The following EIF2S1 variants were observed in gnomAD, a reference collection of about 807,000 sequenced individuals.
EIF2S1 encodes the protein eukaryotic translation initiation factor 2 subunit alpha.
Under a neutral mutation model 33.5 loss-of-function variants are expected in EIF2S1, and 5 were observed. The observed-to-expected ratio is 0.15, with a 90% CI of 0.08 to 0.31. EIF2S1 has a LOEUF of 0.31. EIF2S1 is among the 10% of genes least tolerant of loss of function. The pLI, the probability that EIF2S1 is intolerant of heterozygous loss-of-function variation, is 1.00. For synonymous variants in EIF2S1, 99 were observed against 127.5 expected, an observed-to-expected ratio of 0.78 and a Z score of 1.51; for missense variants, 191 against 384.6, an observed-to-expected ratio of 0.50 and a Z score of 4.21.
At chr14:67,368,897 C>T (rs1294375334) in intron 2 of EIF2S1, among the ~76,000 whole-genome samples, 1 of 151,566 alleles carries the variant, frequency 6.6e-6, no homozygotes, top group East Asian at 1.9e-4. Context: ...ATTGTAAAAG[C>T]CAAAGATATA....
intron 1 of EIF2S1, among the ~76,000 whole-genome samples, chr14:67,361,558 A>G (rs926633745): frequency 1.3e-5 from 2 of 152,266 alleles, no homozygotes; most frequent in African/African-American, 4.8e-5. Flanking sequence ...TCCCCATCAC[A>G]TAATATATTT....
At position 67,365,695 on chromosome 14, in the gene EIF2S1, A is replaced by G. The variant is rs112229499; in HGVS notation, c.241+687A>G. Among the ~76,000 whole-genome samples the G allele has an allele frequency of 1.6e-3, 236 of 152,236 alleles. 1 individual carries two copies. The highest frequency in any genetic ancestry group is 5.5e-3 in the African/African-American group (229 of 41,546). On this transcript the variant is annotated intron_variant, in intron 2 of 7. Transcript: ENST00000256383. Reference sequence around the variant, plus strand: ...AGGTTTTAGTTTCAGCCATCTTACTATAATTTGTTAGGTGTTAGTTTTAGG... The same window carrying G: ...AGGTTTTAGTTTCAGCCATCTTACTGTAATTTGTTAGGTGTTAGTTTTAGG...
In EIF2S1 at chr14:67,385,966, A is replaced by G. The variant is rs1424352778; in HGVS notation, c.*2526A>G. ...AATGGCTAGAGATTTTTTTAAAAAT[A>G]CAAATGCCAGTACCTTGCCGAGACT... On this transcript the variant is annotated 3_prime_UTR_variant, in exon 8 of 8. Coordinates refer to ENST00000256383, the MANE Select transcript of EIF2S1 (RefSeq NM_004094.5). 2.0e-5 allele frequency: 3 copies of G among 152,202 alleles called. No individual in the cohort carries two copies. The highest frequency in any genetic ancestry group is 1.3e-4 in the Admixed American group (2 of 15,276). 9.4% of individuals were successfully genotyped at this position (152,202 alleles called of 1,614,324 possible).
At chr14:67,369,852 G>C (rs2085807437) in intron 2 of EIF2S1, among the ~76,000 whole-genome samples, 1 of 152,180 alleles carries the variant, frequency 6.6e-6, no homozygotes, top group African/African-American at 2.4e-5. Context: ...GCTGAGACCA[G>C]CTCTGTTGGG....
chr14:67,383,193 C>A lies in EIF2S1; in HGVS notation c.823-122C>A, dbSNP rs1595651461. ...TGCTGATAAGTCACTCAAAAGTGAACAGATATGACAGAGTTGTTAGAAAAG... is the reference window on the plus strand; with the variant it reads ...TGCTGATAAGTCACTCAAAAGTGAAAAGATATGACAGAGTTGTTAGAAAAG... On this transcript the variant is annotated intron_variant, in intron 7 of 7. Transcript: ENST00000256383. The A allele has an allele frequency of 1.8e-5, 19 of 1,081,308 alleles. No individual in the cohort carries two copies. The East Asian group carries it at 5.0e-4, about 29-fold the overall frequency. 67.0% of individuals were successfully genotyped at this position (1,081,308 alleles called of 1,614,324 possible).
intron 2 of EIF2S1, among the ~76,000 whole-genome samples, chr14:67,369,127 C>T (rs1359883939): frequency 3.3e-5 from 5 of 152,034 alleles, no homozygotes; most frequent in Non-Finnish European, 7.4e-5. Context: ...AAGCAAGACT[C>T]GACGATAATC....
At chr14:67,375,232 CTGTGTGTG>C (rs3067321) in intron 3 of EIF2S1, among the ~76,000 whole-genome samples, 20,632 of 137,528 alleles carry the variant, frequency 0.15, 1,529 homozygotes, top group Non-Finnish European at 0.18. Context: ...ATCCTCAGTT[CTGTGTGTG>C]TGTGTGTGTG....
intron 2 of EIF2S1, among the ~76,000 whole-genome samples, chr14:67,372,775 C>T (rs768430992): frequency 8.6e-5 from 13 of 151,224 alleles, no homozygotes; most frequent in Non-Finnish European, 1.5e-4. Context: ...TTGCAGTGAG[C>T]GGAGATTGCC....
At chr14:67,368,228 A>G (rs1319409991) in intron 2 of EIF2S1, among the ~76,000 whole-genome samples, 1 of 152,176 alleles carries the variant, frequency 6.6e-6, no homozygotes, top group East Asian at 1.9e-4. Flanking sequence ...GCAGTTGGCT[A>G]GTTTGAATGC....
In EIF2S1 at chr14:67,364,828, A is replaced by C. The variant is rs1375937506; in HGVS notation, c.61A>C (p.Met21Leu). The change falls in exon 2 of 8, where the codon ATG (methionine) becomes CTG (leucine). Residue 21 changes from methionine to leucine, a missense_variant. Physicochemically the swap from Met to Leu is conservative, Grantham distance 15. Coordinates refer to ENST00000256383, the MANE Select transcript of EIF2S1 (RefSeq NM_004094.5). ...HKFPEVEDVV[M>L]VNVRSIAEMG... ...ATTTCCTGAGGTGGAAGATGTAGTG[A>C]TGGTGAATGTCAGATCCATTGCTGA... The C allele has an allele frequency of 6.2e-7, 1 of 1,614,018 alleles. No homozygotes were observed. The highest frequency in any genetic ancestry group is 8.5e-7 in the Non-Finnish European group (1 of 1,179,946).
At position 67,385,043 on chromosome 14, in the gene EIF2S1, C is replaced by T. The variant is rs560559251; in HGVS notation, c.*1603C>T. On this transcript the variant is annotated 3_prime_UTR_variant, in exon 8 of 8. Transcript: ENST00000256383. ...GCCATAACTTGAAAAATACTGGTGG[C>T]GTCGATGGTGAGTGATTTTTATCCC... is the stretch of plus-strand genomic sequence containing the variant. 56 of 152,216 alleles carry T rather than the reference C, an allele frequency of 3.7e-4. No individual in the cohort carries two copies. Among genetic ancestry groups the T allele is most frequent in the African/African-American group, 1.3e-3 (52 of 41,536 alleles). 9.4% of individuals were successfully genotyped at this position (152,216 alleles called of 1,614,324 possible). A position where few individuals can be genotyped will look rare whatever the true frequency, so the allele number is the denominator to read the frequency against.
chr14:67,370,119 C>A (rs1237165041), intron 2 of EIF2S1, among the ~76,000 whole-genome samples: 1 of 152,270 alleles, frequency 6.6e-6, no homozygotes, highest in Non-Finnish European at 1.5e-5. Flanking sequence ...AGACACAGAT[C>A]ACTCATGCTT....
chr14:67,368,857 GAAAT>G (rs2085799180), intron 2 of EIF2S1, among the ~76,000 whole-genome samples: 1 of 151,796 alleles, frequency 6.6e-6, no homozygotes, highest in African/African-American at 2.4e-5. Context: ...ACTATCTCTA[GAAAT>G]AAGTAAGTAA....
chr14:67,378,646 C>T (rs545345356), intron 4 of EIF2S1, among the ~76,000 whole-genome samples: 43 of 152,314 alleles, frequency 2.8e-4, no homozygotes, highest in Non-Finnish European at 3.7e-4. Context: ...CATCTGGCTT[C>T]TTTAGTTACC....
At chr14:67,370,574 C>T (rs1182572772) in intron 2 of EIF2S1, among the ~76,000 whole-genome samples, 1 of 152,138 alleles carries the variant, frequency 6.6e-6, no homozygotes, top group Non-Finnish European at 1.5e-5. Context: ...AAGGGAATAT[C>T]ATTACCAATT....
In EIF2S1 at chr14:67,385,767, C is replaced by T. The variant is rs143108366; in HGVS notation, c.*2327C>T. 2.5e-4 allele frequency: 38 copies of T among 151,420 alleles called. No individual in the cohort carries two copies. The highest frequency in any genetic ancestry group is 9.2e-4 in the African/African-American group (38 of 41,170). 9.4% of individuals were successfully genotyped at this position (151,420 alleles called of 1,614,324 possible). A position where few individuals can be genotyped will look rare whatever the true frequency, so the allele number is the denominator to read the frequency against. On this transcript the variant is annotated 3_prime_UTR_variant, in exon 8 of 8. Coordinates refer to ENST00000256383, the MANE Select transcript of EIF2S1 (RefSeq NM_004094.5). ...CTGCCTCTGTAAGAGTGTGAGCCAC[C>T]ATGCCCCACCCAAACCATTTTTCAT... is the stretch of plus-strand genomic sequence containing the variant.
rs530792549 is a variant in EIF2S1, at chr14:67,376,459, T to C, written c.342T>C (p.His114=). ...KSKTVYSILR[H]VAEVLEYTKD... is the part of the protein sequence containing the mutation. ...TCTAGGTTTATAGCATTCTTCGTCA[T>C]GTTGCTGAGGTGTTAGAATACACCA... The change falls in exon 4 of 8, where the codon CAT becomes CAC. Residue 114 remains histidine, a synonymous_variant. Coordinates refer to ENST00000256383, the MANE Select transcript of EIF2S1 (RefSeq NM_004094.5). The C allele has an allele frequency of 6.2e-6, 10 of 1,610,772 alleles. No homozygotes were observed. The African/African-American group carries it at 6.7e-5, about 11-fold the overall frequency.
intron 7 of EIF2S1, 139 bp downstream of exon 7, chr14:67,382,729 G>A (rs1435475324): frequency 1.2e-5 from 11 of 940,152 alleles, no homozygotes; most frequent in Non-Finnish European, 1.6e-6. Flanking sequence ...ATGGTGTTAG[G>A]GTCACCCCCC....
Position 67,383,646 on chromosome 14 carries a change from T to A in EIF2S1, c.*206T>A, listed in dbSNP as rs925255443. On this transcript the variant is annotated 3_prime_UTR_variant, in exon 8 of 8. Coordinates refer to ENST00000256383, the MANE Select transcript of EIF2S1 (RefSeq NM_004094.5). ...CACAGTAGCTCCAACACTTTGAGCA[T>A]TTTTAAGGGAGTGGCCTCATTTCAC... 11 of 587,254 alleles carry A rather than the reference T, an allele frequency of 1.9e-5. No individual in the cohort carries two copies. Among genetic ancestry groups the A allele is most frequent in the Middle Eastern group, 4.7e-4 (1 of 2,150 alleles). The allele number at this position is 587,254 out of a possible 1,614,324, so 36.4% of individuals were successfully genotyped here.
Sources: allele counts gnomAD v4.1 joint callset (sites outside exome capture counted in the v4.1 genomes callset), GRCh38; gene constraint gnomAD v4.1.1; transcripts MANE v1.5; gene names NCBI Gene and HGNC (gene_info 2026-07-23, HGNC 2026-07-21).